YBX1: variants seen among roughly 807,000 people sequenced by gnomAD.
The protein encoded by YBX1 is Y-box-binding protein 1.
Under a neutral mutation model 41.4 loss-of-function variants are expected in YBX1, and 3 were observed. The ratio of observed to expected loss-of-function variants is 0.07; its 90% CI spans 0.03 to 0.19. The LOEUF is 0.19. Ranked by LOEUF, YBX1 falls within the 10% of genes least tolerant of loss-of-function variation. YBX1 has a pLI of 1.00. For missense variants in YBX1, 274 were observed against 462.8 expected (o/e 0.59, Z 3.74); for synonymous variants, 133 against 165.8 (o/e 0.80, Z 1.52).
intron 2 of YBX1, among the ~76,000 whole-genome samples, chr1:42,688,342 G>T (rs1370737297): frequency 6.6e-6 from 1 of 152,134 alleles, no homozygotes; most frequent in African/African-American, 2.4e-5. Flanking sequence ...AGGAAAAGTT[G>T]AGTATGTTGT....
intron 2 of YBX1, among the ~76,000 whole-genome samples, chr1:42,689,677 A>G (rs746862140): frequency 6.6e-6 from 1 of 152,198 alleles, no homozygotes; most frequent in Non-Finnish European, 1.5e-5. Flanking sequence ...GGCCATGAAA[A>G]GCAAATGCTA....
chr1:42,703,547 T>C lies in YBX1; in HGVS notation c.*1598T>C, dbSNP rs1650660983. 6.6e-6 allele frequency among the ~76,000 whole-genome samples: 1 copy of C among 152,098 alleles called. No individual in the cohort carries two copies. On this transcript the variant is annotated 3_prime_UTR_variant, in exon 8 of 8. Transcript: ENST00000321358. ...AGTGAGTTAGCCTATTTCTTGCTGG[T>C]GTTCATGAAAATACTGTGTTGGCAA...
At chr1:42,687,235 ATCT>A (rs776767977) in intron 2 of YBX1, among the ~76,000 whole-genome samples, 7 of 151,706 alleles carry the variant, frequency 4.6e-5, no homozygotes, top group Non-Finnish European at 1.0e-4. Flanking sequence ...ATCTCCCTTA[ATCT>A]TTTTTTTTTG....
chr1:42,703,070 T>C lies in YBX1; in HGVS notation c.*1121T>C, dbSNP rs1412191564. ...CCACCTTAGTAGCTGGGAGTACAGG[T>C]GCGTGCCACCACACCCAGCTAATTT... is the stretch of plus-strand genomic sequence containing the variant. On this transcript the variant is annotated 3_prime_UTR_variant, in exon 8 of 8. Coordinates refer to ENST00000321358, the MANE Select transcript of YBX1 (RefSeq NM_004559.5). Among the ~76,000 whole-genome samples the C allele has an allele frequency of 1.3e-5, 2 of 151,878 alleles. No homozygotes were observed. Among genetic ancestry groups the C allele is most frequent in the Non-Finnish European group, 2.9e-5 (2 of 67,960 alleles).
chr1:42,689,393 G>A (rs1000625701), intron 2 of YBX1, among the ~76,000 whole-genome samples: 5 of 152,186 alleles, frequency 3.3e-5, no homozygotes, highest in Non-Finnish European at 5.9e-5. Context: ...GTAAATTAGT[G>A]TATGCAGTTA....
At chr1:42,693,812 T>C (rs1382465570) in intron 3 of YBX1, among the ~76,000 whole-genome samples, 1 of 152,238 alleles carries the variant, frequency 6.6e-6, no homozygotes, top group Non-Finnish European at 1.5e-5. Flanking sequence ...GATGAACAGA[T>C]TATTCCATGA....
intron 1 of YBX1, 33 bp downstream of exon 1, chr1:42,682,764 T>G: frequency 5.1e-6 from 6 of 1,179,914 alleles, no homozygotes; most frequent in Non-Finnish European, 6.3e-6. Flanking sequence ...GGTGGGGCCC[T>G]CGGGCAGCCC....
intron 2 of YBX1, among the ~76,000 whole-genome samples, chr1:42,689,774 AT>A (rs1057217752): frequency 1.3e-5 from 2 of 151,960 alleles, no homozygotes; most frequent in Non-Finnish European, 2.9e-5. Flanking sequence ...GGGAAGTTAA[AT>A]TTTTTTGCCT....
At chr1:42,694,775 T>C (rs912302532) in intron 3 of YBX1, among the ~76,000 whole-genome samples, 8 of 152,222 alleles carry the variant, frequency 5.3e-5, no homozygotes, top group African/African-American at 1.9e-4. Flanking sequence ...AGTAGATGTT[T>C]TATAAAATTG....
In YBX1 at chr1:42,682,749, A is replaced by G; in HGVS notation, c.166+18A>G. On this transcript the variant is annotated intron_variant, in intron 1 of 7. Transcript: ENST00000321358. ...GGTCATCGGTGAGGACCGGACAGGG[A>G]CGGGGGTGGGGCCCTCGGGCAGCCC... 8.4e-7 allele frequency: 1 copy of G among 1,185,798 alleles called. No individual in the cohort carries two copies. Among genetic ancestry groups the G allele is most frequent in the Non-Finnish European group, 1.0e-6 (1 of 954,380 alleles). The allele number at this position is 1,185,798 out of a possible 1,614,324, so 73.5% of individuals were successfully genotyped here.
intron 3 of YBX1, among the ~76,000 whole-genome samples, chr1:42,695,692 T>C (rs1294919566): frequency 2.6e-5 from 4 of 152,244 alleles, no homozygotes; most frequent in Non-Finnish European, 4.4e-5. Flanking sequence ...GCATTTCCAC[T>C]GATGTATTAT....
chr1:42,687,387 G>A (rs61775607), intron 2 of YBX1, among the ~76,000 whole-genome samples: 8,103 of 152,094 alleles, frequency 0.053, 298 homozygotes, highest in Non-Finnish European at 0.082. Flanking sequence ...AGGTTCAAGC[G>A]ATTCTCCTGC....
intron 7 of YBX1, 118 bp downstream of exon 7, chr1:42,701,164 A>G (rs1570426316): frequency 2.7e-6 from 2 of 731,748 alleles, no homozygotes; most frequent in Non-Finnish European, 4.5e-6. Flanking sequence ...CATGTTATTT[A>G]TAATGTGTTC....
intron 2 of YBX1, among the ~76,000 whole-genome samples, chr1:42,692,217 C>G (rs1011287121): frequency 6.6e-6 from 1 of 152,208 alleles, no homozygotes; most frequent in Non-Finnish European, 1.5e-5. Flanking sequence ...CTTTCTTACT[C>G]TACCAGTTTT....
rs760763531 is a variant in YBX1 at position 42,682,530 on chromosome 1, C to T, written c.-36C>T. ...CATCACACCCCGGGAGGAGCCGCAG[C>T]TGCCGCAGCCGGCCCCAGTCACCAT... On this transcript the variant is annotated 5_prime_UTR_variant, in exon 1 of 8. Coordinates refer to ENST00000321358, the MANE Select transcript of YBX1 (RefSeq NM_004559.5). The T allele has an allele frequency of 1.4e-6, 2 of 1,437,750 alleles. No individual in the cohort carries two copies. Among genetic ancestry groups the T allele is most frequent in the South Asian group, 2.7e-5 (2 of 73,642 alleles). The allele number at this position is 1,437,750 out of a possible 1,614,324, so 89.1% of individuals were successfully genotyped here. A position where few individuals can be genotyped will look rare whatever the true frequency, so the allele number is the denominator to read the frequency against.
rs1427429840 is a variant in YBX1 at position 42,696,462 on chromosome 1, G to A, written c.354+174G>A. ...TAGAGGGCAATCTCTTCAGAACAGT[G>A]AGGAACTGATATTTAGTCATTTCTG... On this transcript the variant is annotated intron_variant, in intron 4 of 7. Coordinates refer to ENST00000321358, the MANE Select transcript of YBX1 (RefSeq NM_004559.5). The surrounding 1 kb of genome is among the most constrained non-coding windows in gnomAD (Gnocchi z 5.7). Among the ~76,000 whole-genome samples, 1 of 151,514 alleles carries A rather than the reference G, an allele frequency of 6.6e-6. No homozygotes were observed. Among genetic ancestry groups the A allele is most frequent in the Admixed American group, 6.6e-5 (1 of 15,212 alleles).
intron 1 of YBX1, 175 bp from the exon 2 acceptor site, chr1:42,683,210 GCCCCGCGCTTCAGACTCA>G: frequency 1.4e-6 from 1 of 711,922 alleles, no homozygotes. Flanking sequence ...GCCCTGGAGC[GCCCCGCGCTTCAGACTCA>G]CCCACGTGTG....
At position 42,703,242 on chromosome 1, in the gene YBX1, T is replaced by C. The variant is rs1650649636; in HGVS notation, c.*1293T>C. 1.3e-5 allele frequency among the ~76,000 whole-genome samples: 2 copies of C among 152,130 alleles called. No homozygotes were observed. The highest frequency in any genetic ancestry group is 1.3e-4 in the Admixed American group (2 of 15,264). On this transcript the variant is annotated 3_prime_UTR_variant, in exon 8 of 8. Transcript: ENST00000321358. The stretch of plus-strand genomic sequence containing the variant: ...CCTGGCCTCTCTGGCTTTTGTTTTC[T>C]AATGTTTTGTTAGATGTTCTTTGGC...
rs185775713 is a variant in YBX1 at position 42,692,529 on chromosome 1, G to T, written c.231-961G>T. 1.2e-3 allele frequency among the ~76,000 whole-genome samples: 183 copies of T among 152,284 alleles called. 2 individuals carry two copies. The highest frequency in any genetic ancestry group is 3.8e-3 in the African/African-American group (158 of 41,564). On this transcript the variant is annotated intron_variant, in intron 2 of 7. Transcript: ENST00000321358. ...CTATAATTTACAGGTCAGATTTAAA[G>T]TTAATTTTATGTGGATCCTTTGATG...
Sources: gnomAD v4.1 joint callset for allele counts (sites outside exome capture counted in the v4.1 genomes callset) on GRCh38, gnomAD v4.1.1 for gene constraint, Gnocchi (gnomAD v3.1) non-coding constraint, MANE v1.5 for transcripts, NCBI Gene and HGNC (gene_info 2026-07-23, HGNC 2026-07-21) for gene names.